The following CYTH2 variants were observed in gnomAD, a reference collection of about 807,000 sequenced individuals.
CYTH2 encodes the protein cytohesin 2, also known as cytohesin-2.
In CYTH2, 24 loss-of-function variants were observed where a neutral mutation model predicts 55.4. That is an observed-to-expected ratio of 0.43 (90% CI 0.31 to 0.61). The LOEUF (loss-of-function observed/expected upper bound fraction) is 0.61, where lower values mean the gene tolerates loss of function less well. Ranked by LOEUF, CYTH2 falls within the 20% of genes least tolerant of loss-of-function variation. The pLI is 0.08. For missense variants in CYTH2, 378 were observed against 533.5 expected, an observed-to-expected ratio of 0.71 and a Z score of 2.87; for synonymous variants, 221 against 209.6, an observed-to-expected ratio of 1.05 and a Z score of -0.47.
chr19:48,477,648 G>A (rs923309580), intron 8 of CYTH2: 2 of 192,618 alleles, frequency 1.0e-5, no homozygotes, highest in Non-Finnish European at 1.1e-5. Flanking sequence ...GGCTCTTGGG[G>A]GTGCTCCATT....
Position 48,469,407 on chromosome 19 carries a change from C to T in CYTH2, c.-101C>T. On this transcript the variant is annotated 5_prime_UTR_variant, in exon 1 of 12. Transcript: ENST00000452733. ...GGCGCTGAGGAGGCGGCGGTGGCTC[C>T]CGGGGCGTTTGAGCGGGCTCACCCG... 7.9e-7 allele frequency: 1 copy of T among 1,270,048 alleles called. No individual in the cohort carries two copies. The allele number at this position is 1,270,048 out of a possible 1,614,324, so 78.7% of individuals were successfully genotyped here.
intron 3 of CYTH2, 102 bp from the exon 4 acceptor site, chr19:48,472,223 G>A: frequency 1.0e-6 from 1 of 981,944 alleles, no homozygotes; most frequent in Admixed American, 1.9e-5. Context: ...CCTGGCCCTG[G>A]TCTGTTGAGG....
At chr19:48,470,741 C>A (rs971335443) in intron 3 of CYTH2, 72 bp downstream of exon 3, 27 of 1,566,062 alleles carry the variant, frequency 1.7e-5, no homozygotes, top group African/African-American at 4.1e-5. Flanking sequence ...CTCCGGGTTC[C>A]AGAAGCGTGA....
At chr19:48,477,611 T>A in intron 8 of CYTH2, 1 of 173,344 alleles carries the variant, frequency 5.8e-6, no homozygotes, top group East Asian at 1.6e-4. Flanking sequence ...CACCCCTCCC[T>A]GTGCCCACCC....
In CYTH2 at chr19:48,478,434, C is replaced by T; in HGVS notation, c.958-4C>T. On this transcript the variant is annotated splice_region_variant and splice_polypyrimidine_tract_variant and intron_variant, in intron 10 of 11. Coordinates refer to ENST00000452733, the MANE Select transcript of CYTH2 (RefSeq NM_004228.7). The stretch of plus-strand genomic sequence containing the variant: ...TACCTGCGCCCTTCCTCTCTCGTCC[C>T]CAGAACTGCTTTGAACTTTACATCC... The T allele has an allele frequency of 1.2e-6, 2 of 1,613,752 alleles. No homozygotes were observed. Among genetic ancestry groups the T allele is most frequent in the Non-Finnish European group, 1.7e-6 (2 of 1,179,750 alleles).
At chr19:48,475,075 C>G (rs1349040587) in intron 8 of CYTH2, 126 bp downstream of exon 8, 1 of 789,432 alleles carries the variant, frequency 1.3e-6, no homozygotes, top group African/African-American at 1.8e-5. Flanking sequence ...CTCTGAACCT[C>G]AGTTTTCCAC....
chr19:48,470,399 C>CCGG lies in CYTH2; in HGVS notation c.73_75dup (p.Arg25dup). ...AGGAGCGGATGGAGCTGGAGAACAT[C>CCGG]CGGCGGCGGAAGCAGGAGCTGCTGG... On this transcript the variant is annotated inframe_insertion, in exon 2 of 12. Coordinates refer to ENST00000452733, the MANE Select transcript of CYTH2 (RefSeq NM_004228.7). The CCGG allele has an allele frequency of 3.1e-6, 5 of 1,613,914 alleles. No homozygotes were observed. The highest frequency in any genetic ancestry group is 4.2e-6 in the Non-Finnish European group (5 of 1,179,986).
chr19:48,475,539 C>G, intron 8 of CYTH2: 1 of 155,710 alleles, frequency 6.4e-6, no homozygotes, highest in East Asian at 1.9e-4. Flanking sequence ...AGTCGGGAAA[C>G]CCAGCAGAGA....
rs545298394 is a variant in CYTH2 at position 48,478,729 on chromosome 19, G to C, written c.1112+137G>C. ...GGCCTGGACGCCTGGGTCTGACGGA[G>C]GAGGGGCTGGGGCCTGGACTCCTGG... is the stretch of plus-strand genomic sequence containing the variant. On this transcript the variant is annotated intron_variant, in intron 11 of 11. Transcript: ENST00000452733. 5.2e-5 allele frequency: 46 copies of C among 889,982 alleles called. No homozygotes were observed. The African/African-American group carries it at 6.7e-4, about 13-fold the overall frequency. 55.1% of individuals were successfully genotyped at this position (889,982 alleles called of 1,614,324 possible).
chr19:48,470,722 T>C, intron 3 of CYTH2, 53 bp downstream of exon 3: 1 of 1,605,536 alleles, frequency 6.2e-7, no homozygotes, highest in East Asian at 2.2e-5. Flanking sequence ...AGGCAGGGGC[T>C]TCTGGCACCT....
chr19:48,474,897 C>T lies in CYTH2; in HGVS notation c.756C>T (p.Asp252=). The T allele has an allele frequency of 6.2e-7, 1 of 1,614,214 alleles. No individual in the cohort carries two copies. The highest frequency in any genetic ancestry group is 8.5e-7 in the Non-Finnish European group (1 of 1,180,044). The change falls in exon 8 of 12, where the codon GAC becomes GAT. Residue 252 remains aspartate, a synonymous_variant. Coordinates refer to ENST00000452733, the MANE Select transcript of CYTH2 (RefSeq NM_004228.7). This position sits in a 1 kb window ranked among gnomAD's most constrained non-coding sequence, Gnocchi z 4.9. Reference sequence around the variant, plus strand: ...AGATTCCTGAGGATGACGGGAATGACCTGACCCACACCTTCTTCAACCCGG... The same window carrying T: ...AGATTCCTGAGGATGACGGGAATGATCTGACCCACACCTTCTTCAACCCGG... The part of the protein sequence containing the change: ...PFKIPEDDGN[D]LTHTFFNPDR...
intron 8 of CYTH2, chr19:48,475,895 A>G: frequency 5.2e-6 from 2 of 387,528 alleles, no homozygotes; most frequent in South Asian, 1.9e-5. Flanking sequence ...GACACGGTGC[A>G]CAGCTGCTCC....
In CYTH2 at chr19:48,475,045, T is replaced by C. The variant is rs1201171266; in HGVS notation, c.808+96T>C. The C allele has an allele frequency of 1.2e-5, 13 of 1,081,284 alleles. No homozygotes were observed. The African/African-American group carries it at 2.1e-4, about 17-fold the overall frequency. The allele number at this position is 1,081,284 out of a possible 1,614,324, so 67.0% of individuals were successfully genotyped here. On this transcript the variant is annotated intron_variant, in intron 8 of 11. Coordinates refer to ENST00000452733, the MANE Select transcript of CYTH2 (RefSeq NM_004228.7). ...TTCCGCACACACCTGCTGCCTGAAC[T>C]GAGGCAAATGATTCGACCTCTCTGA...
Position 48,470,423 on chromosome 19 carries a change from G to A in CYTH2, c.90G>A (p.Leu30=). 6.2e-7 allele frequency: 1 copy of A among 1,614,118 alleles called. No homozygotes were observed. Among genetic ancestry groups the A allele is most frequent in the South Asian group, 1.1e-5 (1 of 91,090 alleles). ...ENIRRRKQEL[L]VEIQRLREEL... is the part of the protein sequence containing the mutation. Reference sequence around the variant, plus strand: ...TCCGGCGGCGGAAGCAGGAGCTGCTGGTGGAGATTCAGCGCCTGCGGGAGG... The same window carrying A: ...TCCGGCGGCGGAAGCAGGAGCTGCTAGTGGAGATTCAGCGCCTGCGGGAGG... Residue 30 remains leucine (L), a synonymous_variant, in exon 2 of 12, where the codon CTG becomes CTA. Coordinates refer to ENST00000452733, the MANE Select transcript of CYTH2 (RefSeq NM_004228.7).
chr19:48,471,762 T>C (rs1358534254), intron 3 of CYTH2, among the ~76,000 whole-genome samples: 1 of 152,166 alleles, frequency 6.6e-6, no homozygotes, highest in Non-Finnish European at 1.5e-5. Flanking sequence ...TCAACAAACA[T>C]TGATTGGCTG....
Position 48,469,434 on chromosome 19 carries a change from G to A in CYTH2, c.-74G>A, listed in dbSNP as rs1024548570. ...GGGGCGTTTGAGCGGGCTCACCCGA[G>A]CCCGCGGGCCAACGCGGATCCAGGC... On this transcript the variant is annotated 5_prime_UTR_variant, in exon 1 of 12. Transcript: ENST00000452733. 1.5e-5 allele frequency: 19 copies of A among 1,308,304 alleles called. No homozygotes were observed. Among genetic ancestry groups the A allele is most frequent in the Non-Finnish European group, 1.5e-5 (15 of 1,019,874 alleles). 81.0% of individuals were successfully genotyped at this position (1,308,304 alleles called of 1,614,324 possible).
chr19:48,469,751 A>T, intron 1 of CYTH2: 3 of 515,932 alleles, frequency 5.8e-6, no homozygotes, highest in Non-Finnish European at 9.2e-6. Context: ...TGGCGGCGGG[A>T]GGGGCGGGAT....
chr19:48,473,578 G>C (rs1971847163), intron 5 of CYTH2, 200 bp downstream of exon 5: 1 of 617,858 alleles, frequency 1.6e-6, no homozygotes, highest in South Asian at 2.0e-5. Flanking sequence ...AGCTCAAATG[G>C]TGGTCAGAAA....
At position 48,474,719 on chromosome 19, in the gene CYTH2, C is replaced by G. The variant is rs1016999105; in HGVS notation, c.697-119C>G. 1 of 824,032 alleles carries G rather than the reference C, an allele frequency of 1.2e-6. No homozygotes were observed. Among genetic ancestry groups the G allele is most frequent in the African/African-American group, 1.7e-5 (1 of 58,336 alleles). The allele number at this position is 824,032 out of a possible 1,614,324, so 51.0% of individuals were successfully genotyped here. On this transcript the variant is annotated intron_variant, in intron 7 of 11. Coordinates refer to ENST00000452733, the MANE Select transcript of CYTH2 (RefSeq NM_004228.7). The surrounding 1 kb of genome is among the most constrained non-coding windows in gnomAD (Gnocchi z 4.9). ...GCCTTTCACTTCCCTCTCCTCCCCA[C>G]TACCCCTCTCTCTTCCCCACTATGA... is the stretch of plus-strand genomic sequence containing the variant.
Sources: allele counts gnomAD v4.1 joint callset (sites outside exome capture counted in the v4.1 genomes callset), GRCh38; gene constraint gnomAD v4.1.1; non-coding constraint Gnocchi (gnomAD v3.1); transcripts MANE v1.5; gene names NCBI Gene and HGNC (gene_info 2026-07-23, HGNC 2026-07-21).